Variants in TRABD2B observed in about 807,000 individuals in gnomAD.
TRABD2B encodes metalloprotease TIKI2.
Under a neutral mutation model 40.1 loss-of-function variants are expected in TRABD2B, and 14 were observed. The ratio of observed to expected loss-of-function variants is 0.35; its 90% CI spans 0.23 to 0.55. The LOEUF (loss-of-function observed/expected upper bound fraction) is 0.55, where lower values mean the gene tolerates loss of function less well. Among genes scored for constraint, TRABD2B ranks in the 20% least tolerant of loss-of-function variants. The pLI is 0.90. For synonymous variants in TRABD2B, 263 were observed against 277.0 expected (o/e 0.95, Z 0.50); for missense variants, 541 against 648.6 (o/e 0.83, Z 1.80).
chr1:47,899,689 G>A (rs1359418588), intron 2 of TRABD2B, among the ~76,000 whole-genome samples: 4 of 152,080 alleles, frequency 2.6e-5, no homozygotes, highest in African/African-American at 4.8e-5. Flanking sequence ...GTGCAATAGT[G>A]GTGGTGGTGG....
At chr1:47,890,104 C>G (rs1413757094) in intron 2 of TRABD2B, among the ~76,000 whole-genome samples, 1 of 152,212 alleles carries the variant, frequency 6.6e-6, no homozygotes, top group Non-Finnish European at 1.5e-5. Flanking sequence ...GCATGGATGT[C>G]ACTCTGCTTT....
At chr1:47,816,633 C>G (rs1414813821) in intron 2 of TRABD2B, among the ~76,000 whole-genome samples, 1 of 152,212 alleles carries the variant, frequency 6.6e-6, no homozygotes, top group Admixed American at 6.5e-5. Context: ...CTCCTGCACA[C>G]TCCTTCCCTG....
intron 2 of TRABD2B, among the ~76,000 whole-genome samples, chr1:47,950,605 T>A (rs950497440): frequency 6.6e-6 from 1 of 152,162 alleles, no homozygotes; most frequent in Non-Finnish European, 1.5e-5. Flanking sequence ...TTATTCCACA[T>A]GTGAAGAATG....
intron 2 of TRABD2B, among the ~76,000 whole-genome samples, chr1:47,859,903 C>A (rs1289854098): frequency 6.6e-6 from 1 of 152,198 alleles, no homozygotes; most frequent in African/African-American, 2.4e-5. Flanking sequence ...GCTCACTTAG[C>A]CCTTACTACA....
At chr1:47,890,177 T>C (rs1428819277) in intron 2 of TRABD2B, among the ~76,000 whole-genome samples, 1 of 152,200 alleles carries the variant, frequency 6.6e-6, no homozygotes, top group Non-Finnish European at 1.5e-5. Context: ...TTAGTACTAG[T>C]AATAATAATA....
intron 2 of TRABD2B, among the ~76,000 whole-genome samples, chr1:47,871,334 A>T (rs1644137799): frequency 6.6e-6 from 1 of 152,204 alleles, no homozygotes; most frequent in Admixed American, 6.5e-5. Flanking sequence ...CCTGCCCTCA[A>T]TCCCTGCAGT....
At chr1:47,882,155 T>G (rs1357407023) in intron 2 of TRABD2B, among the ~76,000 whole-genome samples, 1 of 152,260 alleles carries the variant, frequency 6.6e-6, no homozygotes, top group Non-Finnish European at 1.5e-5. Context: ...GGAGGCCCTG[T>G]GGCATTTAAT....
chr1:47,880,410 GTTTTTA>G (rs1035584097), intron 2 of TRABD2B, among the ~76,000 whole-genome samples: 1 of 152,194 alleles, frequency 6.6e-6, no homozygotes, highest in African/African-American at 2.4e-5. Flanking sequence ...TTGGGTGAAG[GTTTTTA>G]TTTTTATTTT....
intron 2 of TRABD2B, among the ~76,000 whole-genome samples, chr1:47,973,744 C>T (rs1273828232): frequency 6.6e-6 from 1 of 152,206 alleles, no homozygotes; most frequent in African/African-American, 2.4e-5. Context: ...GGCCTCCCAG[C>T]TTTCTCTATT....
At position 47,957,399 on chromosome 1, in the gene TRABD2B, T is replaced by C. The variant is rs191179438; in HGVS notation, c.666+36635A>G. ...AGAGAAGAAGGTGTCAGATGATCAG[T>C]AATAACAAATTTCTCCGAGCTAAAG... On this transcript the variant is annotated intron_variant, in intron 2 of 6. Coordinates refer to ENST00000606738, the MANE Select transcript of TRABD2B (RefSeq NM_001194986.2). 1.6e-3 allele frequency among the ~76,000 whole-genome samples: 237 copies of C among 152,162 alleles called. 1 individual carries two copies. The highest frequency in any genetic ancestry group is 5.5e-3 in the African/African-American group (229 of 41,548).
intron 2 of TRABD2B, among the ~76,000 whole-genome samples, chr1:47,860,072 A>G (rs1437997478): frequency 6.6e-6 from 1 of 152,186 alleles, no homozygotes; most frequent in Non-Finnish European, 1.5e-5. Flanking sequence ...CAGTGCAGGT[A>G]CCAGGGCTGT....
At chr1:47,898,884 T>C (rs978886589) in intron 2 of TRABD2B, among the ~76,000 whole-genome samples, 1 of 152,246 alleles carries the variant, frequency 6.6e-6, no homozygotes, top group Non-Finnish European at 1.5e-5. Flanking sequence ...ACTGGAGATC[T>C]ACTCTACTCA....
chr1:47,918,121 T>C (rs1477260835), intron 2 of TRABD2B, among the ~76,000 whole-genome samples: 2 of 152,222 alleles, frequency 1.3e-5, no homozygotes, highest in Non-Finnish European at 2.9e-5. Context: ...ACCTTCACTC[T>C]ACAGCCTGCT....
chr1:47,841,500 T>G (rs184375584), intron 2 of TRABD2B, among the ~76,000 whole-genome samples: 74 of 152,372 alleles, frequency 4.9e-4, no homozygotes, highest in Non-Finnish European at 8.2e-4. Context: ...TCATTCATTG[T>G]CACTGAATGC....
chr1:47,897,779 C>T (rs1257188010), intron 2 of TRABD2B, among the ~76,000 whole-genome samples: 2 of 152,202 alleles, frequency 1.3e-5, no homozygotes, highest in Non-Finnish European at 2.9e-5. Flanking sequence ...ATGGGCCAGA[C>T]ACTGCAGCCG....
chr1:47,876,497 G>A (rs1644227118), intron 2 of TRABD2B, among the ~76,000 whole-genome samples: 1 of 152,228 alleles, frequency 6.6e-6, no homozygotes, highest in African/African-American at 2.4e-5. Flanking sequence ...CTCTAGCTGG[G>A]AGACAGACTA....
intron 2 of TRABD2B, among the ~76,000 whole-genome samples, chr1:47,821,357 T>C (rs1268368619): frequency 6.6e-6 from 1 of 152,214 alleles, no homozygotes; most frequent in Non-Finnish European, 1.5e-5. Context: ...GAGTGTTCCA[T>C]GTTCTCATCT....
At chr1:47,942,591 A>C (rs1645202643) in intron 2 of TRABD2B, among the ~76,000 whole-genome samples, 1 of 152,146 alleles carries the variant, frequency 6.6e-6, no homozygotes, top group South Asian at 2.1e-4. Context: ...GATCAGAAGA[A>C]ATCTCCCAGA....
intron 2 of TRABD2B, among the ~76,000 whole-genome samples, chr1:47,966,902 C>CTAAAATAAAA: frequency 3.0e-5 from 1 of 32,892 alleles, no homozygotes; most frequent in South Asian, 1.1e-3. Context: ...AAGACTCTGT[C>CTAAAATAAAA]TCAAATAAAA....
Sources: allele counts gnomAD v4.1 joint callset (sites outside exome capture counted in the v4.1 genomes callset), GRCh38; gene constraint gnomAD v4.1.1; transcripts MANE v1.5; gene names NCBI Gene and HGNC (gene_info 2026-07-23, HGNC 2026-07-21).